RARB: variants seen among roughly 807,000 people sequenced by gnomAD.
The protein encoded by RARB is HBV-activated protein.
A neutral mutation model predicts 51.9 loss-of-function variants in RARB; 17 were observed. The ratio of observed to expected loss-of-function variants is 0.33; its 90% CI spans 0.22 to 0.49. The LOEUF (loss-of-function observed/expected upper bound fraction) is 0.49. RARB is among the 20% of genes least tolerant of loss of function. The pLI, the probability that RARB is intolerant of heterozygous loss-of-function variation, is 0.99. For missense variants in RARB, 369 were observed against 550.8 expected (o/e 0.67, Z 3.30); for synonymous variants, 215 against 195.4 (o/e 1.10, Z -0.84).
At chr3:25,492,100 C>T (rs1696771874) in intron 2 of RARB, among the ~76,000 whole-genome samples, 1 of 152,162 alleles carries the variant, frequency 6.6e-6, no homozygotes, top group Non-Finnish European at 1.5e-5. Context: ...GACAGTTTAG[C>T]AGTGTTTACT....
chr3:25,064,527 G>C (rs1698621469), intron 3 of RARB, among the ~76,000 whole-genome samples: 2 of 152,134 alleles, frequency 1.3e-5, no homozygotes, highest in Non-Finnish European at 2.9e-5. Flanking sequence ...CCGAGAGACA[G>C]TTATGGCTTA....
chr3:25,120,101 G>A (rs1210952487), intron 3 of RARB, among the ~76,000 whole-genome samples: 1 of 152,102 alleles, frequency 6.6e-6, no homozygotes, highest in Non-Finnish European at 1.5e-5. Context: ...ATGGGTGCAA[G>A]GAAAGTGAAG....
At chr3:25,216,734 CAT>C (rs892071910) in intron 5 of RARB, among the ~76,000 whole-genome samples, 8 of 150,032 alleles carry the variant, frequency 5.3e-5, no homozygotes, top group Non-Finnish European at 1.0e-4. Context: ...ATAGGTACTA[CAT>C]ATATATATAT....
chr3:24,882,981 C>T (rs1024861963), intron 2 of RARB, among the ~76,000 whole-genome samples: 8 of 151,952 alleles, frequency 5.3e-5, no homozygotes, highest in Non-Finnish European at 8.8e-5. Context: ...GGTGGTGAGG[C>T]GAGATGTGAT....
At chr3:25,573,191 C>A (rs533867771) in intron 4 of RARB, among the ~76,000 whole-genome samples, 1 of 152,276 alleles carries the variant, frequency 6.6e-6, no homozygotes, top group South Asian at 2.1e-4. Context: ...TCCTTCCCTG[C>A]CCACTCTGTT....
chr3:25,388,668 A>G (rs1706862695), intron 5 of RARB, among the ~76,000 whole-genome samples: 1 of 152,234 alleles, frequency 6.6e-6, no homozygotes, highest in African/African-American at 2.4e-5. Context: ...TTTTTTGTCT[A>G]CCATTGTGAC....
At chr3:25,472,418 T>C (rs1029276805) in intron 2 of RARB, among the ~76,000 whole-genome samples, 2 of 152,218 alleles carry the variant, frequency 1.3e-5, no homozygotes, top group Non-Finnish European at 2.9e-5. Context: ...GACTCAGAGA[T>C]GTAGTCTAGC....
At chr3:25,367,973 G>A (rs1295700911) in intron 5 of RARB, among the ~76,000 whole-genome samples, 5 of 151,978 alleles carry the variant, frequency 3.3e-5, no homozygotes, top group South Asian at 2.1e-4. Context: ...TTAAGTTTTC[G>A]GTGCTCCTCT....
rs772807283 is a variant in RARB, at chr3:25,596,613, A to G, written c.1344A>G (p.Gln448=). Residue 448 remains glutamine, a synonymous_variant, in exon 8 of 8, where the codon CAA becomes CAG. Transcript: ENST00000330688. ...NSGVSQSPLV[Q] is the part of the protein sequence containing the mutation. ...GGGTCAGTCAGTCACCACTCGTGCA[A>G]TAAGACATTTTCTAGCTACTTCAAA... The G allele has an allele frequency of 1.1e-5, 18 of 1,584,532 alleles. No homozygotes were observed. The highest frequency in any genetic ancestry group is 2.3e-5 in the South Asian group (2 of 88,588).
intron 3 of RARB, among the ~76,000 whole-genome samples, chr3:25,557,295 A>G (rs892593246): frequency 1.3e-5 from 2 of 152,204 alleles, no homozygotes; most frequent in Non-Finnish European, 2.9e-5. Context: ...TCTATTTCAC[A>G]TTAAGTCAAT....
intron 1 of RARB, among the ~76,000 whole-genome samples, chr3:24,837,814 T>TTCTGATATTA (rs1702363343): frequency 6.6e-6 from 1 of 152,242 alleles, no homozygotes; most frequent in South Asian, 2.1e-4. Flanking sequence ...TTCTGAGGTT[T>TTCTGATATTA]TCTGATATTA....
At chr3:24,851,040 G>C (rs1702547633) in intron 1 of RARB, among the ~76,000 whole-genome samples, 1 of 152,156 alleles carries the variant, frequency 6.6e-6, no homozygotes, top group Non-Finnish European at 1.5e-5. Context: ...CTCCAAGGCA[G>C]GGAAGAATTA....
intron 1 of RARB, among the ~76,000 whole-genome samples, chr3:24,855,023 G>A (rs1360142066): frequency 3.3e-5 from 5 of 152,170 alleles, no homozygotes; most frequent in African/African-American, 1.2e-4. Context: ...GAAACCTTTA[G>A]ATGTGTACAT....
chr3:25,090,074 T>C (rs1699169906), intron 3 of RARB, among the ~76,000 whole-genome samples: 1 of 152,086 alleles, frequency 6.6e-6, no homozygotes, highest in South Asian at 2.1e-4. Context: ...CTATAGTTAA[T>C]CTGAATGAAA....
At chr3:25,092,317 T>C (rs6797544) in intron 3 of RARB, among the ~76,000 whole-genome samples, 2,111 of 152,266 alleles carry the variant, frequency 0.014, 55 homozygotes, top group East Asian at 0.063. Flanking sequence ...TGCCTTTTTC[T>C]CTTAGTTTCA....
intron 2 of RARB, among the ~76,000 whole-genome samples, chr3:25,048,112 A>G (rs1454089204): frequency 6.6e-6 from 1 of 152,196 alleles, no homozygotes; most frequent in Non-Finnish European, 1.5e-5. Context: ...CTGTGAGTCC[A>G]CTATAAACCT....
intron 5 of RARB, among the ~76,000 whole-genome samples, chr3:25,409,318 G>A (rs1283148035): frequency 6.6e-6 from 1 of 152,162 alleles, no homozygotes; most frequent in East Asian, 1.9e-4. Context: ...GCATCTGTTA[G>A]CAAAGGCTCT....
At chr3:24,988,606 T>A (rs1696845042) in intron 2 of RARB, among the ~76,000 whole-genome samples, 1 of 152,152 alleles carries the variant, frequency 6.6e-6, no homozygotes, top group African/African-American at 2.4e-5. Context: ...AAAATAGTTT[T>A]GGTTCTTCTG....
intron 2 of RARB, among the ~76,000 whole-genome samples, chr3:24,911,793 A>T (rs563569056): frequency 5.4e-4 from 82 of 152,346 alleles, no homozygotes; most frequent in South Asian, 1.4e-3. Flanking sequence ...TCTCTTAAAA[A>T]AGTACCATAT....
Sources: allele counts gnomAD v4.1 joint callset (sites outside exome capture counted in the v4.1 genomes callset), GRCh38; gene constraint gnomAD v4.1.1; transcripts MANE v1.5; gene names NCBI Gene and HGNC (gene_info 2026-07-23, HGNC 2026-07-21).